The following PRKN variants were observed in gnomAD, a reference collection of about 807,000 sequenced individuals.
The protein encoded by PRKN is E3 ubiquitin-protein ligase parkin.
In PRKN, 56 loss-of-function variants were observed where a neutral mutation model predicts 59.5. The ratio of observed to expected loss-of-function variants is 0.94; its 90% CI spans 0.76 to 1.18. The LOEUF is 1.18. Among genes scored for constraint, PRKN ranks in the 50% most tolerant of loss-of-function variants. The pLI is 0.00. For missense variants in PRKN, 657 were observed against 596.4 expected, an observed-to-expected ratio of 1.10 and a Z score of -1.06; for synonymous variants, 250 against 222.1, an observed-to-expected ratio of 1.13 and a Z score of -1.12.
intron 4 of PRKN, among the ~76,000 whole-genome samples, chr6:162,124,370 T>A (rs1261837494): frequency 6.6e-6 from 1 of 152,184 alleles, no homozygotes; most frequent in Non-Finnish European, 1.5e-5. Flanking sequence ...TGTCTTTCCC[T>A]CGCTGGGAAA....
At position 161,475,558 on chromosome 6, in the gene PRKN, C is replaced by A. The variant is rs1298764256; in HGVS notation, c.1083+73296G>T. On this transcript the variant is annotated intron_variant, in intron 9 of 11. Coordinates refer to ENST00000366898, the MANE Select transcript of PRKN (RefSeq NM_004562.3). This position sits in a 1 kb window ranked among gnomAD's most constrained non-coding sequence, Gnocchi z 5.3. ...TCGCTCTGTGGCCCAGGCTGGAGTG[C>A]CGCGGTGCAATACAACTTGCCGCAG... 6.6e-6 allele frequency among the ~76,000 whole-genome samples: 1 copy of A among 152,148 alleles called. No homozygotes were observed. The highest frequency in any genetic ancestry group is 1.5e-5 in the Non-Finnish European group (1 of 68,014).
intron 5 of PRKN, among the ~76,000 whole-genome samples, chr6:162,043,294 G>T (rs867700231): frequency 6.6e-6 from 1 of 151,998 alleles, no homozygotes; most frequent in Non-Finnish European, 1.5e-5. Flanking sequence ...ATAACCCTGA[G>T]GAAAAAATCA....
intron 9 of PRKN, among the ~76,000 whole-genome samples, chr6:161,532,717 A>G (rs1441161851): frequency 6.6e-6 from 1 of 152,180 alleles, no homozygotes; most frequent in Non-Finnish European, 1.5e-5. Flanking sequence ...CTGGAATGTC[A>G]TGGTCAGAAG....
intron 9 of PRKN, among the ~76,000 whole-genome samples, chr6:161,478,746 T>TCAG (rs1791247276): frequency 6.6e-6 from 1 of 152,156 alleles, no homozygotes; most frequent in Non-Finnish European, 1.5e-5. Context: ...CTCAGGAGGC[T>TCAG]GAGGTGGGAC....
chr6:162,641,497 A>G (rs796227673), intron 1 of PRKN, among the ~76,000 whole-genome samples: 3 of 152,136 alleles, frequency 2.0e-5, no homozygotes, highest in African/African-American at 7.2e-5. Context: ...TGGCAAACAG[A>G]AGAAGGCACA....
chr6:161,725,645 C>T (rs1787411158), intron 7 of PRKN, among the ~76,000 whole-genome samples: 2 of 152,206 alleles, frequency 1.3e-5, no homozygotes, highest in African/African-American at 4.8e-5. Flanking sequence ...ATTGCCAACA[C>T]TAAAAAGAGC....
chr6:162,546,534 C>G (rs1181044491), intron 1 of PRKN, among the ~76,000 whole-genome samples: 1 of 151,926 alleles, frequency 6.6e-6, no homozygotes, highest in Non-Finnish European at 1.5e-5. Flanking sequence ...ACCTCCCCCT[C>G]TTGGGTTCAA....
At chr6:162,023,672 C>T (rs1032072866) in intron 5 of PRKN, among the ~76,000 whole-genome samples, 5 of 152,076 alleles carry the variant, frequency 3.3e-5, no homozygotes, top group South Asian at 4.2e-4. Flanking sequence ...TTTTTAGAGA[C>T]CCAGGATGGG....
rs1583712185 is a variant in PRKN, at chr6:162,519,042, T to C, written c.8-75569A>G. Among the ~76,000 whole-genome samples, 3 of 152,102 alleles carry C rather than the reference T, an allele frequency of 2.0e-5. No individual in the cohort carries two copies. In the South Asian group the frequency reaches 6.2e-4, roughly 32 times the overall value. ...AAAATTAACCAGGTGTGGTGACGCA[T>C]GCCTGTAGTCCCAGCTACTTGGGAG... On this transcript the variant is annotated intron_variant, in intron 1 of 11. Coordinates refer to ENST00000366898, the MANE Select transcript of PRKN (RefSeq NM_004562.3).
rs1396091928 is a variant in PRKN at position 161,356,795 on chromosome 6, TG to T, written c.1285+3292del. 3.9e-5 allele frequency among the ~76,000 whole-genome samples: 6 copies of T among 152,114 alleles called. No individual in the cohort carries two copies. Among genetic ancestry groups the T allele is most frequent in the Non-Finnish European group, 8.8e-5 (6 of 68,008 alleles). ...GCTTTGTGAAATTTGAGCTGTCCAT[TG>T]AACAATCAGTGGAGACACTAAGGAA... On this transcript the variant is annotated intron_variant, in intron 11 of 11. Transcript: ENST00000366898. This position sits in a 1 kb window ranked among gnomAD's most constrained non-coding sequence, Gnocchi z 7.8.
chr6:161,558,392 T>C (rs1780322541), intron 8 of PRKN, among the ~76,000 whole-genome samples: 1 of 151,778 alleles, frequency 6.6e-6, no homozygotes, highest in Non-Finnish European at 1.5e-5. Context: ...CAAGACCCCA[T>C]TTCGACAAAA....
intron 7 of PRKN, among the ~76,000 whole-genome samples, chr6:161,698,199 CA>C (rs752384904): frequency 2.0e-5 from 3 of 151,518 alleles, no homozygotes; most frequent in African/African-American, 4.8e-5. Context: ...CAACAACATG[CA>C]AAAAAAATCA....
chr6:161,543,926 A>C (rs1223128248), intron 9 of PRKN, among the ~76,000 whole-genome samples: 1 of 152,166 alleles, frequency 6.6e-6, no homozygotes, highest in African/African-American at 2.4e-5. Context: ...AAAGTTTGTG[A>C]GATAGTTCTG....
chr6:162,223,362 G>A (rs1421850787), intron 3 of PRKN, among the ~76,000 whole-genome samples: 1 of 151,932 alleles, frequency 6.6e-6, no homozygotes, highest in Admixed American at 6.6e-5. Flanking sequence ...TTGGCATGTA[G>A]CTAGCATGTA....
chr6:162,139,283 C>T (rs1318136012), intron 4 of PRKN, among the ~76,000 whole-genome samples: 1 of 152,190 alleles, frequency 6.6e-6, no homozygotes, highest in Admixed American at 6.6e-5. Context: ...CTTAATTAAC[C>T]TATCACCATC....
chr6:161,795,742 A>T (rs1004709929), intron 6 of PRKN, among the ~76,000 whole-genome samples: 3 of 152,132 alleles, frequency 2.0e-5, no homozygotes, highest in Non-Finnish European at 4.4e-5. Context: ...CACTCAGTCC[A>T]ATGTTGGTCA....
intron 2 of PRKN, among the ~76,000 whole-genome samples, chr6:162,349,154 A>C (rs1784522603): frequency 6.6e-6 from 1 of 152,204 alleles, no homozygotes. Flanking sequence ...GAATCTACAC[A>C]AACTTTAGCA....
intron 4 of PRKN, among the ~76,000 whole-genome samples, chr6:162,200,440 A>C (rs1784677941): frequency 6.6e-6 from 1 of 152,208 alleles, no homozygotes; most frequent in South Asian, 2.1e-4. Flanking sequence ...GGCAACATGT[A>C]CAGAAATGGG....
intron 1 of PRKN, among the ~76,000 whole-genome samples, chr6:162,697,278 A>G (rs1026233312): frequency 1.3e-5 from 2 of 152,224 alleles, no homozygotes; most frequent in African/African-American, 2.4e-5. Context: ...AAAAAATTAT[A>G]CAGACATACA....
Sources: allele counts gnomAD v4.1 joint callset (sites outside exome capture counted in the v4.1 genomes callset), GRCh38; gene constraint gnomAD v4.1.1; non-coding constraint Gnocchi (gnomAD v3.1); transcripts MANE v1.5; gene names NCBI Gene and HGNC (gene_info 2026-07-23, HGNC 2026-07-21).